The following CENPE variants were observed in gnomAD, a reference collection of about 807,000 sequenced individuals.
CENPE encodes centromere-associated protein E.
In CENPE, 145 loss-of-function variants were observed where a neutral mutation model predicts 336.1. The ratio of observed to expected loss-of-function variants is 0.43; its 90% CI spans 0.38 to 0.50. The LOEUF (loss-of-function observed/expected upper bound fraction) is 0.50. Ranked by LOEUF, CENPE falls within the 20% of genes least tolerant of loss-of-function variation. CENPE has a pLI of 0.00. For synonymous variants in CENPE, 1,013 were observed against 984.8 expected (o/e 1.03, Z -0.54); for missense variants, 2,719 against 3,023.3 (o/e 0.90, Z 2.36).
chr4:103,165,475 A>G (rs1251351567), intron 16 of CENPE, among the ~76,000 whole-genome samples: 1 of 152,156 alleles, frequency 6.6e-6, no homozygotes, highest in Non-Finnish European at 1.5e-5. Flanking sequence ...AAGCTTTAGG[A>G]AAACCAGGGA....
intron 16 of CENPE, among the ~76,000 whole-genome samples, chr4:103,169,480 T>C (rs1319659221): frequency 1.3e-5 from 2 of 152,172 alleles, no homozygotes; most frequent in African/African-American, 2.4e-5. Flanking sequence ...ATATATTATA[T>C]TCAAACTCAA....
intron 42 of CENPE, among the ~76,000 whole-genome samples, chr4:103,125,363 G>T (rs1750998439): frequency 6.6e-6 from 1 of 152,080 alleles, no homozygotes; most frequent in South Asian, 2.1e-4. Context: ...ACAGAGAAGG[G>T]ATTACTTCTG....
intron 42 of CENPE, among the ~76,000 whole-genome samples, chr4:103,129,930 T>C (rs1331582925): frequency 6.6e-6 from 1 of 152,120 alleles, no homozygotes; most frequent in Non-Finnish European, 1.5e-5. Flanking sequence ...AATCACATGA[T>C]CATATCAATG....
intron 13 of CENPE, among the ~76,000 whole-genome samples, chr4:103,177,930 C>A (rs1384821389): frequency 6.6e-6 from 1 of 151,976 alleles, no homozygotes; most frequent in Non-Finnish European, 1.5e-5. Context: ...TAAACTAGAC[C>A]TCTTGCTCTC....
Position 103,145,188 on chromosome 4 carries a change from C to A in CENPE, c.4719G>T (p.Glu1573Asp). 1 of 1,613,550 alleles carries A rather than the reference C, an allele frequency of 6.2e-7. No individual in the cohort carries two copies. Among genetic ancestry groups the A allele is most frequent in the Middle Eastern group, 1.7e-4 (1 of 6,058 alleles). Residue 1573 changes from glutamate (E) to aspartate (D), a missense_variant, in exon 32 of 49, where the codon GAG (glutamate) becomes GAT (aspartate). By Grantham distance (45) the Glu-to-Asp change is conservative (BLOSUM62 2). Coordinates refer to ENST00000265148, the MANE Select transcript of CENPE (RefSeq NM_001813.3). ...ALQSIESKML[E>D]LTNRLQESQE... The stretch of plus-strand genomic sequence containing the variant: ...GACTTTCTTGAAGTCTGTTGGTCAA[C>A]TCGAGCATCTTACTTTCTATACTTT...
At position 103,148,868 on chromosome 4, in the gene CENPE, T is replaced by A. The variant is rs746633332; in HGVS notation, c.3819A>T (p.Lys1273Asn). 2 of 1,612,542 alleles carry A rather than the reference T, an allele frequency of 1.2e-6. No individual in the cohort carries two copies. The highest frequency in any genetic ancestry group is 1.7e-6 in the Non-Finnish European group (2 of 1,179,408). ...CCTCTTCTTGTAATTTGGTATGGGA[T>A]TTTTCTAAGTCCTGAGTATTTATTA... ...AQIINTQDLE[K>N]SHTKLQEEIP... The change falls in exon 28 of 49, where the codon AAA becomes AAT. Residue 1273 changes from lysine to asparagine, a missense_variant. By Grantham distance (94) the Lys-to-Asn change is moderately conservative. Transcript: ENST00000265148.
intron 8 of CENPE, among the ~76,000 whole-genome samples, chr4:103,193,711 T>C (rs944132311): frequency 1.3e-5 from 2 of 152,114 alleles, no homozygotes; most frequent in East Asian, 1.9e-4. Flanking sequence ...CCAGGATGAA[T>C]GCAGTATCAC....
At chr4:103,174,710 T>C in intron 16 of CENPE, 26 bp downstream of exon 16, 1 of 1,431,990 alleles carries the variant, frequency 7.0e-7, no homozygotes, top group South Asian at 1.4e-5. Context: ...GCTTTTAGTT[T>C]AGTTTTACAT....
chr4:103,187,951 T>C (rs576618298), intron 8 of CENPE, among the ~76,000 whole-genome samples: 1 of 151,958 alleles, frequency 6.6e-6, no homozygotes, highest in African/African-American at 2.4e-5. Context: ...TGGAGGAAGA[T>C]CTACCAAGCA....
At chr4:103,188,057 C>T (rs1201734832) in intron 8 of CENPE, among the ~76,000 whole-genome samples, 2 of 152,010 alleles carry the variant, frequency 1.3e-5, no homozygotes, top group East Asian at 1.9e-4. Flanking sequence ...AAGGCCATTA[C>T]ATAATGGTAA....
intron 45 of CENPE, 33 bp from the exon 46 acceptor site, chr4:103,114,585 C>G: frequency 7.3e-7 from 1 of 1,360,692 alleles, no homozygotes; most frequent in South Asian, 1.2e-5. Flanking sequence ...GTAAAAAGCT[C>G]AGCAACTGAT....
rs373965211 is a variant in CENPE at position 103,123,029 on chromosome 4, C to G, written c.6985G>C (p.Glu2329Gln). The G allele has an allele frequency of 5.5e-5, 88 of 1,613,748 alleles. No individual in the cohort carries two copies. The highest frequency in any genetic ancestry group is 7.1e-5 in the Non-Finnish European group (84 of 1,179,878). Residue 2329 changes from glutamate to glutamine, a missense_variant, in exon 43 of 49, where the codon GAA becomes CAA. Glu to Gln is a conservative substitution (Grantham distance 29, BLOSUM62 2). This residue lies in a region of CENPE where 2,437 missense variants were observed against 2,513.3 expected (regional missense o/e 0.97). Transcript: ENST00000265148. ...TCTTTCAGTGATTTCAGGTCCTGTT[C>G]CCACTCTTTGGATATGGTAGCACTT... Reference protein sequence around the residue: ...ERSATISKEWEQDLKSLKEKN... With the variant: ...ERSATISKEWQQDLKSLKEKN...
intron 32 of CENPE, 30 bp from the exon 33 acceptor site, chr4:103,144,648 T>C (rs1752861627): frequency 2.7e-6 from 4 of 1,486,938 alleles, no homozygotes; most frequent in South Asian, 2.5e-5. Context: ...AGTTACAACA[T>C]AGGCAGAATT....
chr4:103,169,248 CAAA>C (rs200163618), intron 16 of CENPE, among the ~76,000 whole-genome samples: 7 of 115,972 alleles, frequency 6.0e-5, no homozygotes, highest in African/African-American at 3.5e-5. Flanking sequence ...AGTCAGGAGG[CAAA>C]AAAAAAAAAG....
At chr4:103,192,102 C>G (rs1193238348) in intron 8 of CENPE, among the ~76,000 whole-genome samples, 3 of 152,090 alleles carry the variant, frequency 2.0e-5, no homozygotes, top group African/African-American at 4.8e-5. Flanking sequence ...ACAATAACAA[C>G]TTAGTAAATA....
At position 103,160,785 on chromosome 4, in the gene CENPE, A is replaced by T; in HGVS notation, c.2132-6T>A. The T allele has an allele frequency of 6.3e-7, 1 of 1,576,782 alleles. No individual in the cohort carries two copies. Among genetic ancestry groups the T allele is most frequent in the East Asian group, 2.3e-5 (1 of 44,160 alleles). ...TTCCAAATTACAGAGCAAATCTAGA[A>T]AGTTTTGGTAAATTGTATAAAGATC... On this transcript the variant is annotated splice_polypyrimidine_tract_variant and splice_region_variant and intron_variant, in intron 20 of 48. Transcript: ENST00000265148.
chr4:103,123,793 C>T (rs1018225981), intron 42 of CENPE, among the ~76,000 whole-genome samples: 1 of 152,104 alleles, frequency 6.6e-6, no homozygotes, highest in African/African-American at 2.4e-5. Context: ...AGCAAGGGAT[C>T]CCCTGAAAAA....
intron 16 of CENPE, among the ~76,000 whole-genome samples, chr4:103,170,776 A>G (rs1382924463): frequency 2.6e-5 from 4 of 152,176 alleles, no homozygotes; most frequent in Non-Finnish European, 5.9e-5. Context: ...ATCCAAATAT[A>G]TGCTGCCTGA....
intron 9 of CENPE, among the ~76,000 whole-genome samples, chr4:103,184,675 C>G (rs1473214408): frequency 6.6e-6 from 1 of 151,992 alleles, no homozygotes; most frequent in African/African-American, 2.4e-5. Flanking sequence ...ATTTTCTATT[C>G]TATTTCACTG....
Sources: gnomAD v4.1 joint callset for allele counts (sites outside exome capture counted in the v4.1 genomes callset) on GRCh38, gnomAD v4.1.1 for gene constraint, gnomAD v4.1.1 regional missense constraint, MANE v1.5 for transcripts, NCBI Gene and HGNC (gene_info 2026-07-23, HGNC 2026-07-21) for gene names.